N4BP2: variants seen among roughly 807,000 people sequenced by gnomAD.
N4BP2 encodes NEDD4-binding protein 2.
A neutral mutation model predicts 152.8 loss-of-function variants in N4BP2; 91 were observed. That is an observed-to-expected ratio of 0.60 (90% CI 0.50 to 0.71). The LOEUF is 0.71. N4BP2 is among the 30% of genes least tolerant of loss of function. The pLI is 0.00. For synonymous variants in N4BP2, 646 were observed against 705.3 expected (o/e 0.92, Z 1.33); for missense variants, 1,923 against 2,059.1 (o/e 0.93, Z 1.28).
At chr4:40,068,810 TA>T (rs1241393634) in intron 1 of N4BP2, among the ~76,000 whole-genome samples, 1 of 152,174 alleles carries the variant, frequency 6.6e-6, no homozygotes, top group Non-Finnish European at 1.5e-5. Flanking sequence ...ATCCTTCTCA[TA>T]ATTTTTATCC....
At chr4:40,091,590 T>C (rs1714548815) in intron 2 of N4BP2, among the ~76,000 whole-genome samples, 1 of 149,088 alleles carries the variant, frequency 6.7e-6, no homozygotes, top group East Asian at 1.9e-4. Context: ...CATTTCATTA[T>C]AGTATACAAT....
chr4:40,109,390 C>G (rs1716645125), intron 5 of N4BP2, among the ~76,000 whole-genome samples: 1 of 151,952 alleles, frequency 6.6e-6, no homozygotes, highest in South Asian at 2.1e-4. Context: ...TACTTAACTC[C>G]CAGGATTGTT....
At chr4:40,122,652 T>C (rs1357543912) in intron 9 of N4BP2, among the ~76,000 whole-genome samples, 1 of 152,248 alleles carries the variant, frequency 6.6e-6, no homozygotes, top group Non-Finnish European at 1.5e-5. Context: ...TCTGGAGGAC[T>C]TTAAAAAATA....
chr4:40,112,255 C>A, intron 6 of N4BP2, 83 bp downstream of exon 6: 1 of 831,014 alleles, frequency 1.2e-6, no homozygotes, highest in Non-Finnish European at 2.0e-6. Context: ...GAATCTGAAG[C>A]ACTTAAGAAT....
intron 4 of N4BP2, among the ~76,000 whole-genome samples, chr4:40,104,970 T>C (rs1280982458): frequency 2.0e-5 from 3 of 151,918 alleles, no homozygotes. Context: ...GCCTGGTTAA[T>C]TTTTTGTATT....
intron 3 of N4BP2, among the ~76,000 whole-genome samples, chr4:40,098,762 A>C (rs1261856367): frequency 1.3e-5 from 2 of 152,232 alleles, no homozygotes; most frequent in Non-Finnish European, 2.9e-5. Context: ...ATAAACTAAT[A>C]CAGCAATGAG....
chr4:40,177,252 A>G, the N4BP2 span, among the ~76,000 whole-genome samples: 1 of 152,160 alleles, frequency 6.6e-6, no homozygotes, highest in Non-Finnish European at 1.5e-5. Flanking sequence ...GGGAGATAAC[A>G]GGTGATCTGG....
chr4:40,172,916 T>C, the N4BP2 span, among the ~76,000 whole-genome samples: 1 of 152,234 alleles, frequency 6.6e-6, no homozygotes, highest in African/African-American at 2.4e-5. Context: ...ATGGTTACAT[T>C]GAATCTACGA....
At chr4:40,071,159 C>G (rs535759278) in intron 1 of N4BP2, among the ~76,000 whole-genome samples, 39 of 152,208 alleles carry the variant, frequency 2.6e-4, no homozygotes, top group African/African-American at 9.1e-4. Context: ...ACCTCCTTCT[C>G]TACTCTGCCT....
rs1013921342 is a variant in N4BP2, at chr4:40,126,208, C to G, written c.4405C>G (p.Leu1469Val). The change falls in exon 12 of 18, where the codon CTG (leucine) becomes GTG (valine). Residue 1469 changes from leucine to valine, a missense_variant. By Grantham distance (32) the Leu-to-Val change is conservative (BLOSUM62 1). Coordinates refer to ENST00000261435, the MANE Select transcript of N4BP2 (RefSeq NM_018177.6). ...KSSQRTGKKL[L>V]KTLTASEMLP... ...ATCTCAGAGAACAGGCAAAAAATTA[C>G]TGAAGACTTTAACAGCATCTGAAAT... 1 of 1,609,010 alleles carries G rather than the reference C, an allele frequency of 6.2e-7. No homozygotes were observed. Among genetic ancestry groups the G allele is most frequent in the Admixed American group, 1.7e-5 (1 of 58,986 alleles).
the N4BP2 span, among the ~76,000 whole-genome samples, chr4:40,182,736 G>C: frequency 6.6e-6 from 1 of 152,116 alleles, no homozygotes; most frequent in Non-Finnish European, 1.5e-5. Context: ...GAGTGCAGTG[G>C]CTGGATCTCA....
chr4:40,186,260 C>G, the N4BP2 span, among the ~76,000 whole-genome samples: 1 of 149,968 alleles, frequency 6.7e-6, no homozygotes, highest in South Asian at 2.1e-4. Flanking sequence ...TTCAGTGATT[C>G]TCCCCTGAGA....
chr4:40,134,876 TCTTC>T, intron 13 of N4BP2, among the ~76,000 whole-genome samples: 1 of 149,568 alleles, frequency 6.7e-6, no homozygotes, highest in South Asian at 2.2e-4. Context: ...TTTCTCTCTT[TCTTC>T]CTTCCTCCCT....
chr4:40,064,497 A>C (rs539148246), intron 1 of N4BP2, among the ~76,000 whole-genome samples: 51 of 151,306 alleles, frequency 3.4e-4, no homozygotes, highest in African/African-American at 1.2e-3. Context: ...CTGGTCTCAA[A>C]CTCCCGACCT....
rs780041249 is a variant in N4BP2, at chr4:40,121,987, T to C, written c.3876T>C (p.Ser1292=). 1.9e-6 allele frequency: 3 copies of C among 1,548,504 alleles called. No individual in the cohort carries two copies. The highest frequency in any genetic ancestry group is 4.5e-5 in the East Asian group (2 of 44,314). ...SHFSDIFNFV[S]STSNLELNEE... ...TCTCTGATATTTTTAACTTTGTATC[T>C]AGTACTTCAAATCTTGAATTAAATG... Residue 1292 remains serine, a synonymous_variant, in exon 9 of 18, where the codon TCT becomes TCC. Coordinates refer to ENST00000261435, the MANE Select transcript of N4BP2 (RefSeq NM_018177.6).
intron 5 of N4BP2, among the ~76,000 whole-genome samples, chr4:40,111,274 A>G (rs1422252497): frequency 6.6e-6 from 1 of 152,266 alleles, no homozygotes; most frequent in East Asian, 1.9e-4. Flanking sequence ...CTATAGTTTG[A>G]TTTTAATTTT....
chr4:40,118,994 A>G (rs1717605016), intron 8 of N4BP2, among the ~76,000 whole-genome samples: 1 of 152,216 alleles, frequency 6.6e-6, no homozygotes, highest in South Asian at 2.1e-4. Context: ...GAAAATTTAT[A>G]AATGCTTTTT....
rs367688963 is a variant in N4BP2, at chr4:40,123,160, T to C, written c.4232T>C (p.Ile1411Thr). The stretch of plus-strand genomic sequence containing the variant: ...ACAGTTGAAGATTGTGTGGTTCATA[T>C]AGATCTGAATCTGGCGAAAGTGATT... ...SLTVEDCVVH[I>T]DLNLAKVIHE... is the part of the protein sequence containing the mutation. Residue 1411 changes from isoleucine to threonine, a missense_variant, in exon 10 of 18, where the codon ATA becomes ACA. Ile to Thr is a moderately conservative substitution (Grantham distance 89). Transcript: ENST00000261435. 42 of 1,612,988 alleles carry C rather than the reference T, an allele frequency of 2.6e-5. No individual in the cohort carries two copies. The highest frequency in any genetic ancestry group is 1.6e-4 in the Middle Eastern group (1 of 6,078).
At position 40,102,601 on chromosome 4, in the gene N4BP2, A is replaced by C. The variant is rs529639904; in HGVS notation, c.756A>C (p.Ala252=). ...TTCTCAGTAGTTCTTTAAATGTAGC[A>C]AGTGACTCCATCGCAGGTTGTAGCA... is the stretch of plus-strand genomic sequence containing the variant. The part of the protein sequence containing the change: ...DSLLSSSLNV[A]SDSIAGCSSL... Residue 252 remains alanine, a synonymous_variant, in exon 4 of 18, where the codon GCA becomes GCC. Transcript: ENST00000261435. 1 of 1,614,222 alleles carries C rather than the reference A, an allele frequency of 6.2e-7. No individual in the cohort carries two copies. Among genetic ancestry groups the C allele is most frequent in the Non-Finnish European group, 8.5e-7 (1 of 1,180,042 alleles).
Sources: gnomAD v4.1 joint callset for allele counts (sites outside exome capture counted in the v4.1 genomes callset) on GRCh38, gnomAD v4.1.1 for gene constraint, MANE v1.5 for transcripts, NCBI Gene and HGNC (gene_info 2026-07-23, HGNC 2026-07-21) for gene names.